Variants in NEGR1 observed in about 807,000 individuals in gnomAD.
The protein encoded by NEGR1 is IgLON family member 4.
In NEGR1, 10 loss-of-function variants were observed where a neutral mutation model predicts 40.9. The ratio of observed to expected loss-of-function variants is 0.24; its 90% confidence interval spans 0.15 to 0.42. The LOEUF is 0.42. Among genes scored for constraint, NEGR1 ranks in the 10% least tolerant of loss-of-function variants. The pLI is 1.00. For missense variants in NEGR1, 352 were observed against 438.9 expected (o/e 0.80, Z 1.77); for synonymous variants, 185 against 166.8 (o/e 1.11, Z -0.84).
intron 6 of NEGR1, among the ~76,000 whole-genome samples, chr1:71,413,448 G>C (rs1646336372): frequency 6.6e-6 from 1 of 152,116 alleles, no homozygotes; most frequent in African/African-American, 2.4e-5. Flanking sequence ...CTCTGGTCTT[G>C]CAAAGATGTC....
intron 1 of NEGR1, among the ~76,000 whole-genome samples, chr1:72,234,952 A>G (rs1654499489): frequency 2.0e-5 from 3 of 152,146 alleles, no homozygotes; most frequent in Admixed American, 1.3e-4. Flanking sequence ...GTCTATTATG[A>G]AGACACATGT....
intron 1 of NEGR1, among the ~76,000 whole-genome samples, chr1:72,269,402 C>A (rs1655767432): frequency 6.6e-6 from 1 of 151,510 alleles, no homozygotes; most frequent in African/African-American, 2.4e-5. Flanking sequence ...ACTTGGAATA[C>A]TATAACAAGG....
chr1:72,122,601 CATAA>C (rs1201950337), intron 1 of NEGR1, among the ~76,000 whole-genome samples: 3 of 151,688 alleles, frequency 2.0e-5, no homozygotes, highest in Non-Finnish European at 4.4e-5. Flanking sequence ...ATATTTATTA[CATAA>C]ATAAGGGATT....
At chr1:71,627,229 AAGACTT>A (rs1185938871) in intron 4 of NEGR1, among the ~76,000 whole-genome samples, 2 of 152,234 alleles carry the variant, frequency 1.3e-5, no homozygotes, top group Non-Finnish European at 2.9e-5. Flanking sequence ...CACAATAGTA[AAGACTT>A]GGAACCAAGC....
intron 2 of NEGR1, among the ~76,000 whole-genome samples, chr1:71,873,522 G>T (rs1472661330): frequency 6.6e-6 from 1 of 152,100 alleles, no homozygotes; most frequent in Non-Finnish European, 1.5e-5. Flanking sequence ...ATAGGAAAAT[G>T]ACATCTTCCC....
intron 4 of NEGR1, among the ~76,000 whole-genome samples, chr1:71,648,829 T>C (rs1025908650): frequency 9.9e-5 from 15 of 152,070 alleles, no homozygotes; most frequent in African/African-American, 3.1e-4. Context: ...TGTCTCTCTC[T>C]GGCTTGTTCA....
At chr1:72,145,108 A>C (rs1451854233) in intron 1 of NEGR1, among the ~76,000 whole-genome samples, 1 of 152,046 alleles carries the variant, frequency 6.6e-6, no homozygotes, top group African/African-American at 2.4e-5. Flanking sequence ...TTTTATAAAG[A>C]GTGAGGTTTT....
chr1:72,122,795 T>C (rs1308548098), intron 1 of NEGR1, among the ~76,000 whole-genome samples: 1 of 151,922 alleles, frequency 6.6e-6, no homozygotes, highest in African/African-American at 2.4e-5. Context: ...CACTTTGGAA[T>C]GCAGTTCTCT....
intron 2 of NEGR1, among the ~76,000 whole-genome samples, chr1:71,802,420 CA>C (rs1255391880): frequency 7.2e-5 from 11 of 152,104 alleles, no homozygotes; most frequent in Admixed American, 7.2e-4. Flanking sequence ...CTTTATCCTA[CA>C]AAAAAAGAAA....
chr1:72,063,654 C>T (rs11209900), intron 1 of NEGR1, among the ~76,000 whole-genome samples: 58,038 of 151,622 alleles, frequency 0.38, 12,089 homozygotes, highest in East Asian at 0.6. Context: ...GGTGTGTTTT[C>T]TATGATTTGT....
chr1:71,766,973 G>T (rs1382760212), intron 3 of NEGR1, among the ~76,000 whole-genome samples: 1 of 152,170 alleles, frequency 6.6e-6, no homozygotes, highest in Admixed American at 6.5e-5. Flanking sequence ...TCCAGAAGCA[G>T]AAGTTGCTAC....
intron 1 of NEGR1, among the ~76,000 whole-genome samples, chr1:72,066,808 G>C (rs186577764): frequency 4.6e-5 from 7 of 152,206 alleles, no homozygotes; most frequent in African/African-American, 1.4e-4. Context: ...CCAGTCTGTG[G>C]CATTTTGTTA....
chr1:71,485,450 G>C (rs1356825123), intron 6 of NEGR1, among the ~76,000 whole-genome samples: 2 of 151,454 alleles, frequency 1.3e-5, no homozygotes, highest in Admixed American at 1.3e-4. Flanking sequence ...TTATCTCCCA[G>C]AGTCTCCAGT....
chr1:71,928,989 G>T (rs1170708082), intron 2 of NEGR1, among the ~76,000 whole-genome samples: 1 of 152,056 alleles, frequency 6.6e-6, no homozygotes, highest in East Asian at 1.9e-4. Flanking sequence ...GAATAAGAAT[G>T]AGTATGTATA....
At chr1:72,106,396 T>C (rs765649054) in intron 1 of NEGR1, among the ~76,000 whole-genome samples, 3 of 152,002 alleles carry the variant, frequency 2.0e-5, no homozygotes, top group Admixed American at 6.6e-5. Flanking sequence ...ACTGTCCACT[T>C]CCCCAAAGTT....
intron 2 of NEGR1, among the ~76,000 whole-genome samples, chr1:71,905,864 CAAA>C (rs34891986): frequency 2.8e-5 from 3 of 106,644 alleles, no homozygotes; most frequent in Non-Finnish European, 3.7e-5. Flanking sequence ...GAGGTTGTTA[CAAA>C]AAAAAAAAAA....
intron 1 of NEGR1, among the ~76,000 whole-genome samples, chr1:72,009,777 C>T (rs1486806539): frequency 6.6e-6 from 1 of 152,056 alleles, no homozygotes; most frequent in South Asian, 2.1e-4. Flanking sequence ...ATATCTTTGG[C>T]CCCAACATCT....
chr1:71,895,348 C>A (rs1020488763), intron 2 of NEGR1, among the ~76,000 whole-genome samples: 1 of 152,200 alleles, frequency 6.6e-6, no homozygotes, highest in East Asian at 1.9e-4. Context: ...CAAAATTTAC[C>A]ATTTTGTGTG....
chr1:71,513,864 T>C (rs1390794050), intron 6 of NEGR1, among the ~76,000 whole-genome samples: 11 of 148,762 alleles, frequency 7.4e-5, no homozygotes, highest in Non-Finnish European at 1.2e-4. Flanking sequence ...CCAGTGTGTG[T>C]GCGCACCGTG....
Sources: allele counts gnomAD v4.1 joint callset (sites outside exome capture counted in the v4.1 genomes callset), GRCh38; gene constraint gnomAD v4.1.1; transcripts MANE v1.5; gene names NCBI Gene and HGNC (gene_info 2026-07-23, HGNC 2026-07-21).